CACNA1E: variants seen among roughly 807,000 people sequenced by gnomAD.
The protein encoded by CACNA1E is voltage-dependent R-type calcium channel subunit alpha-1E.
A neutral mutation model predicts 259.2 loss-of-function variants in CACNA1E; 40 were observed. The ratio of observed to expected loss-of-function variants is 0.15; its 90% confidence interval spans 0.12 to 0.20. The LOEUF is 0.20. Among genes scored for constraint, CACNA1E ranks in the 10% least tolerant of loss-of-function variants. The pLI is 1.00. For missense variants in CACNA1E, 1,874 were observed against 3,040.1 expected (o/e 0.62, Z 9.02); for synonymous variants, 1,104 against 1,138.5 (o/e 0.97, Z 0.61).
chr1:181,385,971 A>AGCAAATGAG (rs1263376346), intron 1 of CACNA1E, among the ~76,000 whole-genome samples: 7 of 152,206 alleles, frequency 4.6e-5, no homozygotes, highest in African/African-American at 1.7e-4. Flanking sequence ...GAGATAAAGT[A>AGCAAATGAG]GCAAATGAGG....
At chr1:181,425,891 G>A (rs1241042807) in intron 2 of CACNA1E, among the ~76,000 whole-genome samples, 1 of 152,090 alleles carries the variant, frequency 6.6e-6, no homozygotes, top group East Asian at 1.9e-4. Flanking sequence ...CTCTCCTGGG[G>A]ACCTCCTTGC....
At position 181,782,902 on chromosome 1, in the gene CACNA1E, A is replaced by T. The variant is rs961729112; in HGVS notation, c.5365-777A>T. Among the ~76,000 whole-genome samples the T allele has an allele frequency of 2.0e-5, 3 of 152,148 alleles. No individual in the cohort carries two copies. The South Asian group carries it at 6.2e-4, about 32-fold the overall frequency. ...GCGGGGATTGGAGGAAAAGTTAAAGAGCTCCAAAAGCAAAATACTCTCTGG... is the reference window on the plus strand; with the variant it reads ...GCGGGGATTGGAGGAAAAGTTAAAGTGCTCCAAAAGCAAAATACTCTCTGG... On this transcript the variant is annotated intron_variant, in intron 39 of 47. Coordinates refer to ENST00000367573, the MANE Select transcript of CACNA1E (RefSeq NM_001205293.3).
intron 6 of CACNA1E, among the ~76,000 whole-genome samples, chr1:181,632,278 C>G (rs979845589): frequency 6.6e-6 from 1 of 152,030 alleles, no homozygotes; most frequent in Non-Finnish European, 1.5e-5. Flanking sequence ...TGTATCCGTA[C>G]ATTTCCAGAG....
intron 1 of CACNA1E, among the ~76,000 whole-genome samples, chr1:181,327,334 C>A (rs555982425): frequency 6.6e-6 from 1 of 152,254 alleles, no homozygotes; most frequent in South Asian, 2.1e-4. Context: ...GAGTACCCAC[C>A]AACTCCTCTC....
intron 1 of CACNA1E, among the ~76,000 whole-genome samples, chr1:181,501,552 C>T (rs1385419720): frequency 6.6e-6 from 1 of 152,242 alleles, no homozygotes; most frequent in Non-Finnish European, 1.5e-5. Context: ...ACTGAGTCCA[C>T]TGACCTCCAT....
chr1:181,642,177 G>T (rs1657851194), intron 6 of CACNA1E, among the ~76,000 whole-genome samples: 1 of 152,130 alleles, frequency 6.6e-6, no homozygotes. Flanking sequence ...GTACCTTTTG[G>T]CAGTCACTTG....
chr1:181,638,365 G>C (rs1004398585), intron 6 of CACNA1E, among the ~76,000 whole-genome samples: 10 of 152,182 alleles, frequency 6.6e-5, no homozygotes, highest in Non-Finnish European at 1.3e-4. Context: ...TGGCATTGTT[G>C]TAAATACCAG....
At chr1:181,356,994 T>C (rs1457436820) in intron 1 of CACNA1E, among the ~76,000 whole-genome samples, 1 of 152,142 alleles carries the variant, frequency 6.6e-6, no homozygotes, top group Non-Finnish European at 1.5e-5. Flanking sequence ...AAACGACGGT[T>C]CATTTCTGAT....
At chr1:181,590,340 G>A (rs1463062812) in intron 6 of CACNA1E, among the ~76,000 whole-genome samples, 1 of 149,282 alleles carries the variant, frequency 6.7e-6, no homozygotes, top group African/African-American at 2.5e-5. Context: ...CCCATTGTCT[G>A]TCCACAAGAG....
chr1:181,329,158 G>A lies in CACNA1E; in HGVS notation c.-15+11035G>A, dbSNP rs565650108. ...ATACTTGCATCTCTGTATTCCTGTA[G>A]GTGATCCATTATGAAAGCCTGTCCA... On this transcript the variant is annotated intron_variant, in intron 1 of 11. Transcript: ENST00000524607. 4.6e-5 allele frequency among the ~76,000 whole-genome samples: 7 copies of A among 152,186 alleles called. No homozygotes were observed. The South Asian group carries it at 1.5e-3, about 32-fold the overall frequency.
At chr1:181,787,120 T>A (rs998745808) in intron 43 of CACNA1E, among the ~76,000 whole-genome samples, 1 of 151,992 alleles carries the variant, frequency 6.6e-6, no homozygotes, top group Admixed American at 6.6e-5. Flanking sequence ...ACACTGTTTT[T>A]TGTTTGTTTG....
chr1:181,632,293 C>G (rs6690994), intron 6 of CACNA1E, among the ~76,000 whole-genome samples: 4,432 of 152,052 alleles, frequency 0.029, 241 homozygotes, highest in African/African-American at 0.1. Context: ...CCAGAGGAGC[C>G]AGTTTATAGA....
chr1:181,356,586 A>C (rs1557938243), intron 1 of CACNA1E, among the ~76,000 whole-genome samples: 1 of 152,226 alleles, frequency 6.6e-6, no homozygotes, highest in Non-Finnish European at 1.5e-5. Flanking sequence ...TTGCCTTTGC[A>C]CAGCCTGCCA....
At position 181,781,535 on chromosome 1, in the gene CACNA1E, C is replaced by CA; in HGVS notation, c.5364+12_5364+13insA. The CA allele has an allele frequency of 7.3e-7, 1 of 1,366,246 alleles. No homozygotes were observed. The highest frequency in any genetic ancestry group is 1.0e-6 in the Non-Finnish European group (1 of 967,676). The allele number at this position is 1,366,246 out of a possible 1,614,324, so 84.6% of individuals were successfully genotyped here. ...AAGTGGCATATAAGGTAGACCACCC[C>CA]TTCCTTTGCTCTGGGCTACAGACCA... On this transcript the variant is annotated intron_variant, in intron 39 of 47. Coordinates refer to ENST00000367573, the MANE Select transcript of CACNA1E (RefSeq NM_001205293.3).
intron 34 of CACNA1E, 125 bp downstream of exon 34, chr1:181,763,656 T>G (rs1658779962): frequency 1.6e-6 from 1 of 614,988 alleles, no homozygotes; most frequent in Non-Finnish European, 2.5e-6. Flanking sequence ...CGGGTGTTTG[T>G]TAGAAGCATT....
intron 1 of CACNA1E, among the ~76,000 whole-genome samples, chr1:181,507,122 G>T (rs1665778799): frequency 6.6e-6 from 1 of 151,566 alleles, no homozygotes; most frequent in African/African-American, 2.4e-5. Context: ...GTGGGAAGAG[G>T]ATTTGGCTGG....
At chr1:181,783,555 T>G (rs1172532660) in intron 39 of CACNA1E, 124 bp from the exon 40 acceptor site, 2 of 592,632 alleles carry the variant, frequency 3.4e-6, no homozygotes, top group African/African-American at 3.7e-5. Flanking sequence ...GGGCAGGGGA[T>G]GGGGATCCTT....
At chr1:181,746,403 C>T (rs1421613742) in intron 25 of CACNA1E, among the ~76,000 whole-genome samples, 2 of 152,204 alleles carry the variant, frequency 1.3e-5, no homozygotes, top group Non-Finnish European at 1.5e-5. Flanking sequence ...ACTCATTTGA[C>T]TAGTAAATAG....
At chr1:181,695,478 C>T (rs1261376406) in intron 7 of CACNA1E, among the ~76,000 whole-genome samples, 3 of 152,096 alleles carry the variant, frequency 2.0e-5, no homozygotes, top group Non-Finnish European at 4.4e-5. Flanking sequence ...TTTTAAGATC[C>T]ACTGTAAAGC....
Sources: gnomAD v4.1 joint callset for allele counts (sites outside exome capture counted in the v4.1 genomes callset) on GRCh38, gnomAD v4.1.1 for gene constraint, MANE v1.5 for transcripts, NCBI Gene and HGNC (gene_info 2026-07-23, HGNC 2026-07-21) for gene names.